The following FRMD4A variants were observed in gnomAD, a reference collection of about 807,000 sequenced individuals.
FRMD4A encodes the protein FERM domain-containing protein 4A.
In FRMD4A, 29 loss-of-function variants were observed where a neutral mutation model predicts 129.1. That is an observed-to-expected ratio of 0.22 (90% CI 0.17 to 0.31). The LOEUF is 0.31. Among genes scored for constraint, FRMD4A ranks in the 10% least tolerant of loss-of-function variants. FRMD4A has a pLI of 1.00. For missense variants in FRMD4A, 1,272 were observed against 1,375.8 expected, an observed-to-expected ratio of 0.92 and a Z score of 1.19; for synonymous variants, 634 against 571.6, an observed-to-expected ratio of 1.11 and a Z score of -1.56.
chr10:14,022,378 T>A (rs1832797366), intron 2 of FRMD4A, among the ~76,000 whole-genome samples: 1 of 151,874 alleles, frequency 6.6e-6, no homozygotes, highest in Non-Finnish European at 1.5e-5. Flanking sequence ...CAGTTTGGAG[T>A]GGGGAACTCA....
intron 3 of FRMD4A, among the ~76,000 whole-genome samples, chr10:13,815,169 G>A (rs2093520923): frequency 6.6e-6 from 1 of 152,118 alleles, no homozygotes. Flanking sequence ...GGCTGTCCTG[G>A]GTCTCACAGC....
At chr10:13,848,087 A>G (rs919870801) in intron 3 of FRMD4A, among the ~76,000 whole-genome samples, 1 of 152,102 alleles carries the variant, frequency 6.6e-6, no homozygotes, top group Admixed American at 6.6e-5. Context: ...GTTTGTTTTA[A>G]TCTCCCCAAT....
chr10:13,844,335 G>T (rs866437941), intron 3 of FRMD4A, among the ~76,000 whole-genome samples: 39 of 152,136 alleles, frequency 2.6e-4, no homozygotes, highest in African/African-American at 8.5e-4. Flanking sequence ...CTCTAACTCT[G>T]TTACTCATCT....
chr10:13,880,180 T>C (rs542958563), intron 2 of FRMD4A, among the ~76,000 whole-genome samples: 158 of 152,116 alleles, frequency 1.0e-3, no homozygotes, highest in African/African-American at 3.7e-3. Context: ...TTGTTAAACA[T>C]CCCAAGCTCA....
intron 2 of FRMD4A, among the ~76,000 whole-genome samples, chr10:14,212,405 C>T (rs1423822450): frequency 2.0e-5 from 3 of 152,160 alleles, no homozygotes; most frequent in Non-Finnish European, 2.9e-5. Context: ...AGGACAAAGG[C>T]GTGGATCAGA....
At chr10:14,036,174 T>C (rs1833493884) in intron 2 of FRMD4A, among the ~76,000 whole-genome samples, 1 of 152,212 alleles carries the variant, frequency 6.6e-6, no homozygotes, top group African/African-American at 2.4e-5. Context: ...AGGCGATCAT[T>C]CCTGGCACAT....
At position 13,759,029 on chromosome 10, in the gene FRMD4A, T is replaced by C. The variant is rs138871644; in HGVS notation, c.464+2618A>G. Reference sequence around the variant, plus strand: ...ACAATTTTAGGCCACTCAAGTGTACTAGTTTCTCTGGACCTCTGAAGATGG... The same window carrying C: ...ACAATTTTAGGCCACTCAAGTGTACCAGTTTCTCTGGACCTCTGAAGATGG... On this transcript the variant is annotated intron_variant, in intron 8 of 24. Coordinates refer to ENST00000357447, the MANE Select transcript of FRMD4A (RefSeq NM_018027.5). 3.3e-3 allele frequency among the ~76,000 whole-genome samples: 496 copies of C among 152,314 alleles called. 5 individuals are homozygous for C. Among genetic ancestry groups the C allele is most frequent in the African/African-American group, 0.011 (442 of 41,574 alleles).
intron 3 of FRMD4A, among the ~76,000 whole-genome samples, chr10:13,822,215 G>A (rs2093639794): frequency 1.3e-5 from 2 of 152,122 alleles, no homozygotes; most frequent in Non-Finnish European, 2.9e-5. Context: ...TTTTTGTAGC[G>A]AGAACATTTC....
chr10:14,153,780 C>T (rs972161720), intron 2 of FRMD4A, among the ~76,000 whole-genome samples: 5 of 152,184 alleles, frequency 3.3e-5, no homozygotes, highest in African/African-American at 2.4e-5. Flanking sequence ...GGCAGAAAGT[C>T]GGAGGGCAGA....
chr10:13,906,821 G>T (rs1283525956), intron 2 of FRMD4A, among the ~76,000 whole-genome samples: 1 of 152,216 alleles, frequency 6.6e-6, no homozygotes, highest in Non-Finnish European at 1.5e-5. Flanking sequence ...CTGCTCGTGT[G>T]TGAATAACTT....
At chr10:13,962,035 ACACGAATG>A (rs201220778) in intron 2 of FRMD4A, among the ~76,000 whole-genome samples, 42,771 of 127,572 alleles carry the variant, frequency 0.34, 6,260 homozygotes, top group Admixed American at 0.39. Flanking sequence ...GAACAAAAAC[ACACGAATG>A]AATGAATGAA....
intron 2 of FRMD4A, among the ~76,000 whole-genome samples, chr10:13,993,025 T>C (rs920723890): frequency 2.7e-5 from 4 of 150,530 alleles, no homozygotes; most frequent in African/African-American, 9.7e-5. Flanking sequence ...AACATATCCA[T>C]TGATCTGCTT....
At chr10:13,918,093 A>G (rs1050190105) in intron 2 of FRMD4A, among the ~76,000 whole-genome samples, 2 of 152,334 alleles carry the variant, frequency 1.3e-5, no homozygotes, top group East Asian at 3.9e-4. Context: ...CTTCCCCAGC[A>G]CTGAGATTTA....
Position 13,651,904 on chromosome 10 carries a change from TC to T in FRMD4A, c.3120del (p.Ter1040=), listed in dbSNP as rs1219893393. 1.3e-6 allele frequency: 2 copies of T among 1,518,304 alleles called. No individual in the cohort carries two copies. The highest frequency in any genetic ancestry group is 2.7e-5 in the African/African-American group (2 of 73,376). The allele number at this position is 1,518,304 out of a possible 1,614,324, so 94.1% of individuals were successfully genotyped here. On this transcript the variant is annotated frameshift_variant and stop_lost and splice_region_variant, in exon 24 of 25. Coordinates refer to ENST00000357447, the MANE Select transcript of FRMD4A (RefSeq NM_018027.5). LOFTEE classifies it high-confidence loss of function. ...ESPPHQSTDE* is the reference protein window; with the variant it reads ...ESPPHQSTDEX Reference sequence around the variant, plus strand: ...GGAACAAAACTCCCCTTACGGTACCTCTATTCATCAGTACTTTGGTGAGGTG... The same window carrying T: ...GGAACAAAACTCCCCTTACGGTACCTTATTCATCAGTACTTTGGTGAGGTG...
At chr10:14,249,377 T>C (rs1042175550) in intron 2 of FRMD4A, among the ~76,000 whole-genome samples, 1 of 148,858 alleles carries the variant, frequency 6.7e-6, no homozygotes, top group African/African-American at 2.5e-5. Flanking sequence ...AAGAAACAAA[T>C]AGATATTGAA....
intron 2 of FRMD4A, among the ~76,000 whole-genome samples, chr10:14,304,754 C>T (rs1347821259): frequency 1.3e-5 from 2 of 152,146 alleles, no homozygotes; most frequent in African/African-American, 4.8e-5. Context: ...ACTTTCTTTC[C>T]CCACAGAGCA....
intron 4 of FRMD4A, among the ~76,000 whole-genome samples, chr10:13,810,373 T>C (rs1221275016): frequency 6.6e-6 from 1 of 152,228 alleles, no homozygotes; most frequent in Non-Finnish European, 1.5e-5. Flanking sequence ...ATAGTCGCTT[T>C]ATTTCAGTTT....
chr10:13,730,011 T>C (rs549606698), intron 12 of FRMD4A, among the ~76,000 whole-genome samples: 76 of 152,330 alleles, frequency 5.0e-4, no homozygotes, highest in African/African-American at 1.8e-3. Context: ...ATTCTAACTC[T>C]TAGTGTCCTT....
intron 2 of FRMD4A, among the ~76,000 whole-genome samples, chr10:14,004,738 G>T (rs776336580): frequency 3.9e-5 from 6 of 152,096 alleles, no homozygotes; most frequent in African/African-American, 1.4e-4. Context: ...TGAATAAACC[G>T]AAGCTGAGAA....
Sources: gnomAD v4.1 joint callset for allele counts (sites outside exome capture counted in the v4.1 genomes callset) on GRCh38, gnomAD v4.1.1 for gene constraint, MANE v1.5 for transcripts, NCBI Gene and HGNC (gene_info 2026-07-23, HGNC 2026-07-21) for gene names.